The following LUC7L2 variants were observed in gnomAD, a reference collection of about 807,000 sequenced individuals.
LUC7L2 encodes LUC7 like 2, pre-mRNA splicing factor, also known as putative RNA-binding protein Luc7-like 2.
Under a neutral mutation model 52.8 loss-of-function variants are expected in LUC7L2, and 25 were observed. The ratio of observed to expected loss-of-function variants is 0.47; its 90% CI spans 0.34 to 0.66. LUC7L2 has a LOEUF of 0.66. Among genes scored for constraint, LUC7L2 ranks in the 30% least tolerant of loss-of-function variants. The pLI is 0.01. For missense variants in LUC7L2, 328 were observed against 497.8 expected, an observed-to-expected ratio of 0.66 and a Z score of 3.25; for synonymous variants, 144 against 160.9, an observed-to-expected ratio of 0.89 and a Z score of 0.80.
At chr7:139,413,011 A>C (rs765610481) in intron 8 of LUC7L2, among the ~76,000 whole-genome samples, 8 of 152,158 alleles carry the variant, frequency 5.3e-5, no homozygotes, top group Non-Finnish European at 8.8e-5. Flanking sequence ...TGATTGATCC[A>C]CTGTGGGTTA....
intron 2 of LUC7L2, among the ~76,000 whole-genome samples, chr7:139,390,518 T>G (rs1018461766): frequency 1.3e-5 from 2 of 149,276 alleles, no homozygotes; most frequent in Non-Finnish European, 3.0e-5. Flanking sequence ...CATGAGCCAC[T>G]GCGTCTGGCC....
chr7:139,346,655 A>G (rs920075136), intron 1 of LUC7L2, among the ~76,000 whole-genome samples: 57 of 152,194 alleles, frequency 3.7e-4, no homozygotes, highest in African/African-American at 6.0e-4. Flanking sequence ...GAGACTCTCT[A>G]CTAGAGAGTT....
chr7:139,402,447 A>G (rs921280188), intron 4 of LUC7L2, among the ~76,000 whole-genome samples, 200 bp downstream of exon 4: 2 of 152,166 alleles, frequency 1.3e-5, no homozygotes, highest in African/African-American at 4.8e-5. Flanking sequence ...TCTAATCCTT[A>G]TATTTTATTC....
chr7:139,408,072 G>A (rs1795197835), intron 6 of LUC7L2, among the ~76,000 whole-genome samples: 1 of 152,126 alleles, frequency 6.6e-6, no homozygotes, highest in Non-Finnish European at 1.5e-5. Flanking sequence ...TAGGAAACAT[G>A]GGATAGTCAT....
At position 139,411,783 on chromosome 7, in the gene LUC7L2, A is replaced by G. The variant is rs192337628; in HGVS notation, c.780-768A>G. ...ATTGTAAGATTGAACTAGGTGTTCTAGAGATTATAGTATGAGGTTGTAGCT... is the reference window on the plus strand; with the variant it reads ...ATTGTAAGATTGAACTAGGTGTTCTGGAGATTATAGTATGAGGTTGTAGCT... On this transcript the variant is annotated intron_variant, in intron 7 of 9. Transcript: ENST00000354926. 6.8e-4 allele frequency among the ~76,000 whole-genome samples: 103 copies of G among 152,330 alleles called. 1 individual carries two copies. The highest frequency in any genetic ancestry group is 5.6e-3 in the Admixed American group (86 of 15,300).
chr7:139,354,481 C>T lies in LUC7L2; in HGVS notation c.-26+13964C>T, dbSNP rs183989953. On this transcript the variant is annotated intron_variant, in intron 1 of 10. Transcript: ENST00000541170. ...GGTTCAAGCGATTCCCCTGCCTCAG[C>T]CTCCGGAGTAGCTGGGATTACAGGC... Among the ~76,000 whole-genome samples the T allele has an allele frequency of 8.2e-4, 125 of 152,284 alleles. 3 individuals carry two copies. Among genetic ancestry groups the T allele is most frequent in the African/African-American group, 2.8e-3 (117 of 41,546 alleles).
rs374050740 is a variant in LUC7L2, at chr7:139,405,685, G to A, written c.408G>A (p.Leu136=). 10 of 1,612,176 alleles carry A rather than the reference G, an allele frequency of 6.2e-6. No homozygotes were observed. The highest frequency in any genetic ancestry group is 8.5e-6 in the Non-Finnish European group (10 of 1,179,464). The change falls in exon 5 of 10, where the codon TTG becomes TTA. Residue 136 remains leucine, a synonymous_variant. Transcript: ENST00000354926. The part of the protein sequence containing the change: ...VHELNEEIGK[L]LAKVEQLGAE... Reference sequence around the variant, plus strand: ...AGTTAAATGAAGAAATTGGTAAATTGTTAGCCAAGGTGGAACAACTAGGAG... The same window carrying A: ...AGTTAAATGAAGAAATTGGTAAATTATTAGCCAAGGTGGAACAACTAGGAG...
intron 9 of LUC7L2, among the ~76,000 whole-genome samples, chr7:139,420,019 G>C (rs1795815924): frequency 6.6e-6 from 1 of 151,758 alleles, no homozygotes; most frequent in African/African-American, 2.4e-5. Context: ...ATGTTTTGCT[G>C]TTCTCCTTTC....
chr7:139,368,982 T>C (rs1055784370), intron 1 of LUC7L2, among the ~76,000 whole-genome samples: 2 of 152,168 alleles, frequency 1.3e-5, no homozygotes, highest in Non-Finnish European at 2.9e-5. Context: ...TCCCTTGATA[T>C]TTTCATCTTT....
chr7:139,395,386 T>C (rs145037532), intron 2 of LUC7L2, among the ~76,000 whole-genome samples: 5 of 152,330 alleles, frequency 3.3e-5, no homozygotes, highest in African/African-American at 1.2e-4. Flanking sequence ...TTTTGTTTAT[T>C]GTCACTGAAA....
intron 1 of LUC7L2, among the ~76,000 whole-genome samples, chr7:139,365,758 G>A (rs1251715838): frequency 6.6e-6 from 1 of 152,180 alleles, no homozygotes; most frequent in East Asian, 1.9e-4. Flanking sequence ...AGTTCTTGAG[G>A]AAACAAGCAG....
At chr7:139,395,998 A>G (rs1351955336) in intron 2 of LUC7L2, among the ~76,000 whole-genome samples, 1 of 152,184 alleles carries the variant, frequency 6.6e-6, no homozygotes, top group Non-Finnish European at 1.5e-5. Flanking sequence ...TAAGAGTCCG[A>G]AGGAAGAAAA....
At chr7:139,385,124 C>T (rs1472215047) in intron 2 of LUC7L2, among the ~76,000 whole-genome samples, 2 of 151,962 alleles carry the variant, frequency 1.3e-5, no homozygotes, top group South Asian at 2.1e-4. Flanking sequence ...TACAGATATA[C>T]GTTCATATGG....
At chr7:139,370,539 C>T (rs1424637293) in intron 1 of LUC7L2, among the ~76,000 whole-genome samples, 3 of 152,144 alleles carry the variant, frequency 2.0e-5, no homozygotes, top group Non-Finnish European at 4.4e-5. Context: ...CTCACTGCAA[C>T]CTCCAACTCC....
At chr7:139,373,330 C>T (rs1800548515) in intron 1 of LUC7L2, among the ~76,000 whole-genome samples, 2 of 152,134 alleles carry the variant, frequency 1.3e-5, no homozygotes. Context: ...TATCAATAAA[C>T]AGTCAGTTGC....
intron 2 of LUC7L2, among the ~76,000 whole-genome samples, chr7:139,387,744 G>GT (rs954015075): frequency 6.6e-6 from 1 of 151,878 alleles, no homozygotes; most frequent in Non-Finnish European, 1.5e-5. Context: ...AATCGTATAA[G>GT]TTGTTTTTTC....
At chr7:139,410,022 A>G (rs899317318) in intron 7 of LUC7L2, among the ~76,000 whole-genome samples, 1 of 152,158 alleles carries the variant, frequency 6.6e-6, no homozygotes, top group Non-Finnish European at 1.5e-5. Context: ...CCTGGCTAAC[A>G]CGGTGAAACC....
At chr7:139,414,509 A>G (rs1034693017) in intron 8 of LUC7L2, among the ~76,000 whole-genome samples, 47 of 152,352 alleles carry the variant, frequency 3.1e-4, no homozygotes, top group Non-Finnish European at 5.4e-4. Context: ...CTGCCCTGGG[A>G]TAGTTCTGGT....
upstream of LUC7L2, among the ~76,000 whole-genome samples, chr7:139,356,164 G>T (rs1799598060): frequency 6.6e-6 from 1 of 151,704 alleles, no homozygotes; most frequent in Non-Finnish European, 1.5e-5. Flanking sequence ...TTAAAAATTA[G>T]CTCAGTGTGG....
Sources: gnomAD v4.1 joint callset for allele counts (sites outside exome capture counted in the v4.1 genomes callset) on GRCh38, gnomAD v4.1.1 for gene constraint, MANE v1.5 for transcripts, NCBI Gene and HGNC (gene_info 2026-07-23, HGNC 2026-07-21) for gene names.